The following GALNTL6 variants were observed in gnomAD, a reference collection of about 807,000 sequenced individuals.
The protein encoded by GALNTL6 is polypeptide N-acetylgalactosaminyltransferase like 6, also known as polypeptide N-acetylgalactosaminyltransferase-like 6.
In GALNTL6, 46 loss-of-function variants were observed where a neutral mutation model predicts 73.7. That is an observed-to-expected ratio of 0.62 (90% CI 0.49 to 0.80). The LOEUF (loss-of-function observed/expected upper bound fraction) is 0.80. Among genes scored for constraint, GALNTL6 ranks in the 30% least tolerant of loss-of-function variants. The pLI is 0.00. For missense variants in GALNTL6, 604 were observed against 755.0 expected (o/e 0.80, Z 2.34); for synonymous variants, 259 against 263.7 (o/e 0.98, Z 0.17).
At chr4:172,442,426 C>G (rs1731866690) in intron 5 of GALNTL6, among the ~76,000 whole-genome samples, 1 of 152,088 alleles carries the variant, frequency 6.6e-6, no homozygotes. Flanking sequence ...ATGTGAAAAG[C>G]AAGAATCATT....
chr4:173,006,824 C>T (rs1472241418), intron 10 of GALNTL6, among the ~76,000 whole-genome samples: 1 of 152,198 alleles, frequency 6.6e-6, no homozygotes, highest in East Asian at 1.9e-4. Context: ...GACATATCCA[C>T]TTATAGTTTT....
chr4:172,382,532 ATTC>A lies in GALNTL6; in HGVS notation c.553+33848_553+33850del, dbSNP rs372048222. ...TATCAAATATATAATTTGTAAGCAT[ATTC>A]TTCTATTGTGTGCATTGTTTCTTCA... On this transcript the variant is annotated intron_variant, in intron 5 of 12. Transcript: ENST00000506823. Among the ~76,000 whole-genome samples, 42 of 152,236 alleles carry A rather than the reference ATTC, an allele frequency of 2.8e-4. No individual in the cohort carries two copies. In the East Asian group the frequency reaches 7.5e-3, roughly 27 times the overall value.
intron 4 of GALNTL6, among the ~76,000 whole-genome samples, chr4:172,345,969 A>T (rs1741725733): frequency 6.6e-6 from 1 of 152,168 alleles, no homozygotes; most frequent in Non-Finnish European, 1.5e-5. Flanking sequence ...GTTGGTTGAT[A>T]CTTGTTCTAG....
intron 5 of GALNTL6, among the ~76,000 whole-genome samples, chr4:172,394,512 A>G (rs545069287): frequency 3.0e-4 from 44 of 148,864 alleles, no homozygotes; most frequent in African/African-American, 1.1e-3. Context: ...GGTCACTGCA[A>G]CCTCCGCCTG....
intron 5 of GALNTL6, among the ~76,000 whole-genome samples, chr4:172,776,583 G>A (rs1171031308): frequency 6.6e-6 from 1 of 152,182 alleles, no homozygotes; most frequent in East Asian, 1.9e-4. Context: ...AGATTAATCT[G>A]AGAAAAAAAT....
intron 5 of GALNTL6, among the ~76,000 whole-genome samples, chr4:172,799,058 G>A (rs977277328): frequency 6.6e-6 from 1 of 152,172 alleles, no homozygotes; most frequent in Non-Finnish European, 1.5e-5. Flanking sequence ...TGGGGGATTA[G>A]CTAAGATAAT....
At chr4:172,900,336 GTC>G (rs2111237573) in intron 8 of GALNTL6, among the ~76,000 whole-genome samples, 1 of 152,224 alleles carries the variant, frequency 6.6e-6, no homozygotes, top group South Asian at 2.1e-4. Flanking sequence ...AAAATGTTCT[GTC>G]TCTGTTTAAT....
chr4:172,190,979 G>A (rs965506958), intron 2 of GALNTL6, among the ~76,000 whole-genome samples: 1 of 152,100 alleles, frequency 6.6e-6, no homozygotes, highest in Non-Finnish European at 1.5e-5. Context: ...TGCTTCCATT[G>A]TCATATTAGC....
chr4:172,833,059 T>C (rs1579542272), intron 7 of GALNTL6, among the ~76,000 whole-genome samples: 1 of 147,636 alleles, frequency 6.8e-6, no homozygotes, highest in African/African-American at 2.5e-5. Context: ...ATGGTGAGAG[T>C]GTGTGTGTGT....
At chr4:172,370,683 C>T (rs1371672452) in intron 5 of GALNTL6, among the ~76,000 whole-genome samples, 58 of 150,562 alleles carry the variant, frequency 3.9e-4, no homozygotes, top group Non-Finnish European at 4.4e-5. Flanking sequence ...ACTTCGGAAG[C>T]CTTTTCCTAT....
chr4:172,317,791 A>G (rs1222546867), intron 4 of GALNTL6, among the ~76,000 whole-genome samples: 2 of 152,220 alleles, frequency 1.3e-5, no homozygotes, highest in East Asian at 1.9e-4. Flanking sequence ...CAAAAGCCAC[A>G]TAAAAAGTGA....
At chr4:172,885,671 C>T (rs1745682458) in intron 8 of GALNTL6, among the ~76,000 whole-genome samples, 2 of 152,178 alleles carry the variant, frequency 1.3e-5, no homozygotes, top group Admixed American at 6.5e-5. Context: ...TTCCCCCTTT[C>T]AGTGTGATCT....
Position 172,809,619 on chromosome 4 carries a change from C to T in GALNTL6, c.739+73C>T. The T allele has an allele frequency of 7.9e-7, 1 of 1,265,162 alleles. No homozygotes were observed. The allele number at this position is 1,265,162 out of a possible 1,614,324, so 78.4% of individuals were successfully genotyped here. A position where few individuals can be genotyped will look rare whatever the true frequency, so the allele number is the denominator to read the frequency against. Reference sequence around the variant, plus strand: ...GAGCGGTTTGCTTCTATTTAGTTTGCAATCAGCAAACACTAGAGGTCCCTT... The same window carrying T: ...GAGCGGTTTGCTTCTATTTAGTTTGTAATCAGCAAACACTAGAGGTCCCTT... On this transcript the variant is annotated intron_variant, in intron 6 of 12. Coordinates refer to ENST00000506823, the MANE Select transcript of GALNTL6 (RefSeq NM_001034845.3). This position sits in a 1 kb window ranked among gnomAD's most constrained non-coding sequence, Gnocchi z 4.4.
chr4:172,947,447 C>A (rs1414685200), intron 9 of GALNTL6, among the ~76,000 whole-genome samples: 1 of 152,134 alleles, frequency 6.6e-6, no homozygotes, highest in East Asian at 1.9e-4. Flanking sequence ...CTCAAAAAAA[C>A]AAGAACTCCA....
chr4:172,046,743 G>A (rs1742232916), intron 2 of GALNTL6, among the ~76,000 whole-genome samples: 1 of 152,054 alleles, frequency 6.6e-6, no homozygotes, highest in Admixed American at 6.6e-5. Context: ...GTTGAGTTAT[G>A]TGAGTTTCTT....
intron 2 of GALNTL6, among the ~76,000 whole-genome samples, chr4:171,893,562 A>G (rs1271669606): frequency 1.3e-5 from 2 of 152,210 alleles, no homozygotes; most frequent in Non-Finnish European, 2.9e-5. Context: ...GAAAATGCCC[A>G]ATATCTGTGT....
At chr4:171,943,453 A>G (rs1738608659) in intron 2 of GALNTL6, among the ~76,000 whole-genome samples, 1 of 152,216 alleles carries the variant, frequency 6.6e-6, no homozygotes, top group Admixed American at 6.5e-5. Flanking sequence ...TTAATACAGC[A>G]AAATTTAGAA....
chr4:172,395,855 A>G (rs777650049), intron 5 of GALNTL6, among the ~76,000 whole-genome samples: 2 of 152,212 alleles, frequency 1.3e-5, no homozygotes, highest in Non-Finnish European at 2.9e-5. Flanking sequence ...ATTAATGTAT[A>G]ATTAACATAC....
chr4:172,593,457 A>G (rs1320234204), intron 5 of GALNTL6, among the ~76,000 whole-genome samples: 2 of 152,224 alleles, frequency 1.3e-5, no homozygotes, highest in Non-Finnish European at 2.9e-5. Flanking sequence ...TGTTAGGATC[A>G]TCGGTAATGC....
Sources: gnomAD v4.1 joint callset for allele counts (sites outside exome capture counted in the v4.1 genomes callset) on GRCh38, gnomAD v4.1.1 for gene constraint, Gnocchi (gnomAD v3.1) non-coding constraint, MANE v1.5 for transcripts, NCBI Gene and HGNC (gene_info 2026-07-23, HGNC 2026-07-21) for gene names.